MYOZ1: variants seen among roughly 807,000 people sequenced by gnomAD.
MYOZ1 encodes the protein myozenin 1.
In MYOZ1, 20 loss-of-function variants were observed where a neutral mutation model predicts 28.7. The observed-to-expected ratio is 0.70, with a 90% confidence interval of 0.49 to 1.01. MYOZ1 has a LOEUF of 1.01. Ranked by LOEUF, MYOZ1 falls within the 50% of genes least tolerant of loss-of-function variation. MYOZ1 has a pLI of 0.00. For missense variants in MYOZ1, 371 were observed against 372.4 expected (o/e 1.00, Z 0.03); for synonymous variants, 144 against 145.8 (o/e 0.99, Z 0.09).
In MYOZ1 at chr10:73,631,889, G is replaced by C; in HGVS notation, c.*41C>G. On this transcript the variant is annotated 3_prime_UTR_variant, in exon 6 of 6. Coordinates refer to ENST00000359322, the MANE Select transcript of MYOZ1 (RefSeq NM_021245.4). ...CTCAGCATTCCCTCTCCAAATTGGA[G>C]CCAGAGAGGGGAAATGATGCAAATC... 1 of 1,547,894 alleles carries C rather than the reference G, an allele frequency of 6.5e-7. No homozygotes were observed. Among genetic ancestry groups the C allele is most frequent in the Non-Finnish European group, 8.9e-7 (1 of 1,121,128 alleles).
chr10:73,637,382 C>T (rs546510922), intron 3 of MYOZ1, among the ~76,000 whole-genome samples: 2 of 152,274 alleles, frequency 1.3e-5, no homozygotes, highest in Admixed American at 6.5e-5. Context: ...ATGGAGCATA[C>T]TTCACTAAAA....
chr10:73,638,876 G>A (rs773349148), intron 2 of MYOZ1, among the ~76,000 whole-genome samples: 1 of 150,962 alleles, frequency 6.6e-6, no homozygotes, highest in African/African-American at 2.4e-5. Context: ...ATGTTGGCCG[G>A]GCTGGTCTTG....
At chr10:73,634,107 T>C (rs369337050) in intron 4 of MYOZ1, 42 bp from the exon 5 acceptor site, 2 of 1,611,736 alleles carry the variant, frequency 1.2e-6, no homozygotes, top group Admixed American at 1.7e-5. Flanking sequence ...ATAATAGCAT[T>C]TAGTAGCCAA....
intron 5 of MYOZ1, 71 bp downstream of exon 5, chr10:73,633,824 GAATTA>G: frequency 2.7e-6 from 4 of 1,457,602 alleles, no homozygotes; most frequent in Non-Finnish European, 3.7e-6. Context: ...TGAAACATTT[GAATTA>G]GTCTCCATCC....
intron 3 of MYOZ1, 118 bp from the exon 4 acceptor site, chr10:73,634,851 A>G (rs1055793738): frequency 2.2e-5 from 27 of 1,220,324 alleles, no homozygotes; most frequent in African/African-American, 1.5e-4. Context: ...GAATTTTCTG[A>G]TATTTCCCCC....
In MYOZ1 at chr10:73,640,188, G is replaced by A. The variant is rs191683875; in HGVS notation, c.-18-153C>T. 1.2e-4 allele frequency among the ~76,000 whole-genome samples: 19 copies of A among 152,150 alleles called. No individual in the cohort carries two copies. In the East Asian group the frequency reaches 2.5e-3, roughly 20 times the overall value. On this transcript the variant is annotated intron_variant, in intron 1 of 5. Coordinates refer to ENST00000359322, the MANE Select transcript of MYOZ1 (RefSeq NM_021245.4). ...TTTAGAGACAGGATCTCACTCTGTC[G>A]CCCAGGCTGGAGTGCAATGGCACAA...
intron 5 of MYOZ1, among the ~76,000 whole-genome samples, chr10:73,633,470 T>C (rs937781450): frequency 2.0e-5 from 3 of 152,166 alleles, no homozygotes; most frequent in African/African-American, 2.4e-5. Context: ...GGCTCACCCC[T>C]GTAATCCCAG....
intron 3 of MYOZ1, among the ~76,000 whole-genome samples, chr10:73,636,551 G>A (rs761364744): frequency 1.3e-5 from 2 of 151,748 alleles, no homozygotes; most frequent in Non-Finnish European, 2.9e-5. Context: ...TACCTTCCAG[G>A]CTCAAGCCAT....
intron 2 of MYOZ1, 61 bp from the exon 3 acceptor site, chr10:73,637,983 A>C (rs1336461347): frequency 1.3e-6 from 2 of 1,508,682 alleles, no homozygotes; most frequent in Non-Finnish European, 1.8e-6. Flanking sequence ...TTCTGGGCTC[A>C]GAATGCAGAC....
rs1489334172 is a variant in MYOZ1, at chr10:73,633,893, C to T, written c.668+7G>A. ...AATGCATCTGGTTCCTTCCTCACCA[C>T]CCCTACCTGTTGAAGGACTTATATT... On this transcript the variant is annotated splice_region_variant and intron_variant, in intron 5 of 5. Coordinates refer to ENST00000359322, the MANE Select transcript of MYOZ1 (RefSeq NM_021245.4). 1.2e-6 allele frequency: 2 copies of T among 1,603,800 alleles called. No homozygotes were observed. Among genetic ancestry groups the T allele is most frequent in the African/African-American group, 1.3e-5 (1 of 74,570 alleles).
rs373490439 is a variant in MYOZ1, at chr10:73,637,809, G to A, written c.187C>T (p.Arg63Trp). 6.2e-6 allele frequency: 10 copies of A among 1,614,068 alleles called. No individual in the cohort carries two copies. The highest frequency in any genetic ancestry group is 4.0e-5 in the African/African-American group (3 of 75,000). Residue 63 changes from arginine (R) to tryptophan (W), a missense_variant, in exon 3 of 6, where the codon CGG (arginine) becomes TGG (tryptophan). Transcript: ENST00000359322. ...ATAAACTTCTCCACCCTCATCTGCC[G>A]CAGTTTGAACATCTTGGAGCCCCGG... ...TNRGSKMFKL[R>W]QMRVEKFIYE...
intron 3 of MYOZ1, among the ~76,000 whole-genome samples, chr10:73,635,297 GT>G: frequency 6.6e-6 from 1 of 151,690 alleles, no homozygotes; most frequent in Middle Eastern, 3.2e-3. Context: ...TAAGGGCAGC[GT>G]GTTCTCCACA....
chr10:73,631,975 G>A lies in MYOZ1; in HGVS notation c.855C>T (p.Asn285=), dbSNP rs1344599623. 15 of 1,613,944 alleles carry A rather than the reference G, an allele frequency of 9.3e-6. No homozygotes were observed. Among genetic ancestry groups the A allele is most frequent in the African/African-American group, 1.3e-5 (1 of 74,880 alleles). Residue 285 remains asparagine, a synonymous_variant, in exon 6 of 6, where the codon AAC becomes AAT. Coordinates refer to ENST00000359322, the MANE Select transcript of MYOZ1 (RefSeq NM_021245.4). ...WLSSGEPVDY[N]VDIGIPLDGE... ...CATCCAAGGGGATGCCAATATCCAC[G>A]TTGTAGTCTACAGGCTCCCCAGAGC... is the stretch of plus-strand genomic sequence containing the variant.
At chr10:73,639,375 G>T (rs905427775) in intron 2 of MYOZ1, among the ~76,000 whole-genome samples, 1 of 152,132 alleles carries the variant, frequency 6.6e-6, no homozygotes, top group African/African-American at 2.4e-5. Context: ...ACCAGCCTTG[G>T]CCTCCCAAAG....
chr10:73,634,397 C>G (rs1024839878), intron 4 of MYOZ1, 87 bp downstream of exon 4: 1 of 1,519,158 alleles, frequency 6.6e-7, no homozygotes, highest in Admixed American at 2.0e-5. Context: ...CTGACCTCCT[C>G]TGCTCCCCAC....
In MYOZ1 at chr10:73,639,935, C is replaced by T. The variant is rs1409317460; in HGVS notation, c.73+10G>A. 6.2e-7 allele frequency: 1 copy of T among 1,613,564 alleles called. No homozygotes were observed. Among genetic ancestry groups the T allele is most frequent in the Non-Finnish European group, 8.5e-7 (1 of 1,179,670 alleles). On this transcript the variant is annotated intron_variant, in intron 2 of 5. Transcript: ENST00000359322. ...AAGTCCCACACTAGGGAGATGCAAA[C>T]ATGTCCTACCTCCAGTGAGTTCCAT...
chr10:73,634,484 C>T lies in MYOZ1; in HGVS notation c.502G>A (p.Gly168Arg), dbSNP rs1232397582. The change falls in exon 4 of 6, where the codon GGA becomes AGA. Residue 168 changes from glycine to arginine, a missense_variant and splice_region_variant. Coordinates refer to ENST00000359322, the MANE Select transcript of MYOZ1 (RefSeq NM_021245.4). ...ATTACTCTTGGGTGAGTGTACTTGC[C>T]TGATCCTGTCTCACCAACCCCTGCT... is the stretch of plus-strand genomic sequence containing the variant. ...GTAGVGETGS[G>R]DQAGGEGKHI... The T allele has an allele frequency of 6.2e-7, 1 of 1,613,970 alleles. No individual in the cohort carries two copies. The highest frequency in any genetic ancestry group is 8.5e-7 in the Non-Finnish European group (1 of 1,179,994).
chr10:73,638,363 T>C (rs1359973675), intron 2 of MYOZ1, among the ~76,000 whole-genome samples: 2 of 151,268 alleles, frequency 1.3e-5, no homozygotes, highest in East Asian at 3.9e-4. Flanking sequence ...GACAGAGTCC[T>C]GCTCTATCAT....
intron 3 of MYOZ1, 133 bp downstream of exon 3, chr10:73,637,611 A>G (rs142236842): frequency 3.4e-6 from 3 of 879,226 alleles, no homozygotes; most frequent in South Asian, 3.6e-5. Context: ...CGGGCTCAAT[A>G]TATCTGGGGG....
Sources: allele counts gnomAD v4.1 joint callset (sites outside exome capture counted in the v4.1 genomes callset), GRCh38; gene constraint gnomAD v4.1.1; transcripts MANE v1.5; gene names NCBI Gene and HGNC (gene_info 2026-07-23, HGNC 2026-07-21).